Variants in GADD45GIP1 observed in about 807,000 individuals in gnomAD.
The protein encoded by GADD45GIP1 is large ribosomal subunit protein mL64.
In GADD45GIP1, 17 loss-of-function variants were observed where a neutral mutation model predicts 22.1. The ratio of observed to expected loss-of-function variants is 0.77; its 90% CI spans 0.53 to 1.15. The LOEUF (loss-of-function observed/expected upper bound fraction) is 1.15. Ranked by LOEUF, GADD45GIP1 falls within the 50% of genes most tolerant of loss-of-function variation. The pLI is 0.00. For missense variants in GADD45GIP1, 294 were observed against 314.0 expected (o/e 0.94, Z 0.48); for synonymous variants, 135 against 138.4 (o/e 0.98, Z 0.17).
chr19:12,956,783 C>T, intron 1 of GADD45GIP1, 80 bp downstream of exon 1: 1 of 1,332,428 alleles, frequency 7.5e-7, no homozygotes, highest in Non-Finnish European at 1.0e-6. Context: ...GACGTGACCC[C>T]GAAGGGGTAG....
At position 12,953,956 on chromosome 19, in the gene GADD45GIP1, C is replaced by A; in HGVS notation, c.*252G>T. 1 of 494,244 alleles carries A rather than the reference C, an allele frequency of 2.0e-6. No homozygotes were observed. Among genetic ancestry groups the A allele is most frequent in the Non-Finnish European group, 3.6e-6 (1 of 279,562 alleles). 30.6% of individuals were successfully genotyped at this position (494,244 alleles called of 1,614,324 possible). A position where few individuals can be genotyped will look rare whatever the true frequency, so the allele number is the denominator to read the frequency against. ...GAGATGAATGTTGGTAAACAGAAGCCTTCTTCTCTTCTGCCATCTGCTTCT... is the reference window on the plus strand; with the variant it reads ...GAGATGAATGTTGGTAAACAGAAGCATTCTTCTCTTCTGCCATCTGCTTCT... On this transcript the variant is annotated 3_prime_UTR_variant, in exon 2 of 2. Transcript: ENST00000316939.
At chr19:12,956,750 A>C (rs1452488479) in intron 1 of GADD45GIP1, 113 bp downstream of exon 1, 1 of 868,574 alleles carries the variant, frequency 1.2e-6, no homozygotes, top group East Asian at 2.7e-5. Context: ...CGTATACATA[A>C]ATCTACAACA....
rs542386078 is a variant in GADD45GIP1, at chr19:12,956,854, C to T, written c.350+9G>A. On this transcript the variant is annotated intron_variant, in intron 1 of 1. Coordinates refer to ENST00000316939, the MANE Select transcript of GADD45GIP1 (RefSeq NM_052850.4). ...GAGGGCAGCCCCGCGTCTGCCTGCA[C>T]GCACGCACCTCTCCCGACGCTTCTG... The T allele has an allele frequency of 6.3e-6, 10 of 1,594,066 alleles. No homozygotes were observed. The African/African-American group carries it at 1.2e-4, about 19-fold the overall frequency.
intron 1 of GADD45GIP1, among the ~76,000 whole-genome samples, chr19:12,955,964 C>T (rs1240736388): frequency 6.6e-6 from 1 of 152,218 alleles, no homozygotes; most frequent in African/African-American, 2.4e-5. Flanking sequence ...CTGCCCTCAC[C>T]TTTTCCCCAG....
Position 12,956,951 on chromosome 19 carries a change from C to A in GADD45GIP1, c.262G>T (p.Glu88Ter). ...SPEQLRELEA[E>*]EREWYPSLAT... is the part of the protein sequence containing the mutation. Reference sequence around the variant, plus strand: ...AGGCTCGGGTACCATTCGCGTTCTTCGGCCTCCAGCTCCCGCAGCTGCTCC... The same window carrying A: ...AGGCTCGGGTACCATTCGCGTTCTTAGGCCTCCAGCTCCCGCAGCTGCTCC... The change falls in exon 1 of 2, where the codon GAA becomes TAA. Residue 88 changes from glutamate (E) to a stop codon, truncating the protein, a stop_gained. Transcript: ENST00000316939. LOFTEE classifies it high-confidence loss of function. 6.3e-7 allele frequency: 1 copy of A among 1,599,364 alleles called. No homozygotes were observed. The highest frequency in any genetic ancestry group is 8.5e-7 in the Non-Finnish European group (1 of 1,179,738).
In GADD45GIP1 at chr19:12,956,995, C is replaced by T; in HGVS notation, c.218G>A (p.Gly73Asp). 1 of 1,598,984 alleles carries T rather than the reference C, an allele frequency of 6.3e-7. No individual in the cohort carries two copies. Among genetic ancestry groups the T allele is most frequent in the Non-Finnish European group, 8.5e-7 (1 of 1,179,574 alleles). The change falls in exon 1 of 2, where the codon GGT becomes GAT. Residue 73 changes from glycine to aspartate, a missense_variant. Gly to Asp is a moderately conservative substitution (Grantham distance 94, BLOSUM62 -1). Coordinates refer to ENST00000316939, the MANE Select transcript of GADD45GIP1 (RefSeq NM_052850.4). ...CTGCTCCGGCGACGGCCATAACGAA[C>T]CGGGGACCACCCCGGAGGCGGCGCC... ...RYGAASGVVP[G>D]SLWPSPEQLR...
chr19:12,953,578 C>T lies in GADD45GIP1; in HGVS notation c.*630G>A, dbSNP rs1971875565. ...AACATCAGCTCATTGTCAAGGCCAC[C>T]CCCACCCCAGAACAGAACCGTGTCT... On this transcript the variant is annotated 3_prime_UTR_variant, in exon 2 of 2. Transcript: ENST00000316939. 1 of 153,812 alleles carries T rather than the reference C, an allele frequency of 6.5e-6. No homozygotes were observed. Among genetic ancestry groups the T allele is most frequent in the African/African-American group, 2.4e-5 (1 of 41,578 alleles). 9.5% of individuals were successfully genotyped at this position (153,812 alleles called of 1,614,324 possible).
At position 12,954,517 on chromosome 19, in the gene GADD45GIP1, G is replaced by A; in HGVS notation, c.360C>T (p.His120=). The part of the protein sequence containing the change: ...EEQKRREREQ[H]IAECMAKMPQ... ...GCATCTTGGCCATGCACTCTGCGAT[G>A]TGCTGCTCCCTGCAGGGGAGGGAGA... is the stretch of plus-strand genomic sequence containing the variant. The change falls in exon 2 of 2, where the codon CAC becomes CAT. Residue 120 remains histidine (H), a synonymous_variant. Transcript: ENST00000316939. 2 of 1,611,348 alleles carry A rather than the reference G, an allele frequency of 1.2e-6. No individual in the cohort carries two copies. Among genetic ancestry groups the A allele is most frequent in the Admixed American group, 1.7e-5 (1 of 59,872 alleles).
Position 12,955,321 on chromosome 19 carries a change from G to T in GADD45GIP1, c.351-795C>A, listed in dbSNP as rs76939577. On this transcript the variant is annotated intron_variant, in intron 1 of 1. Coordinates refer to ENST00000316939, the MANE Select transcript of GADD45GIP1 (RefSeq NM_052850.4). Reference sequence around the variant, plus strand: ...TCATTTAAGGATTAGAAAAGTAAAAGAATTAAGCCCTATAATGGTCATCTG... The same window carrying T: ...TCATTTAAGGATTAGAAAAGTAAAATAATTAAGCCCTATAATGGTCATCTG... Among the ~76,000 whole-genome samples, 1,381 of 152,246 alleles carry T rather than the reference G, an allele frequency of 9.1e-3. 22 individuals are homozygous for T. Among genetic ancestry groups the T allele is most frequent in the African/African-American group, 0.03 (1,253 of 41,548 alleles).
intron 1 of GADD45GIP1, 102 bp downstream of exon 1, chr19:12,956,761 T>G: frequency 1.0e-6 from 1 of 955,658 alleles, no homozygotes; most frequent in Non-Finnish European, 1.6e-6. Context: ...ATCTACAACA[T>G]GCAGATGCTG....
Position 12,954,524 on chromosome 19 carries a change from T to A in GADD45GIP1, c.353A>T (p.Glu118Val). 1.2e-6 allele frequency: 2 copies of A among 1,609,730 alleles called. No individual in the cohort carries two copies. Among genetic ancestry groups the A allele is most frequent in the African/African-American group, 2.7e-5 (2 of 74,964 alleles). The change falls in exon 2 of 2, where the codon GAG becomes GTG. Residue 118 changes from glutamate to valine, a missense_variant and splice_region_variant. By Grantham distance (121) the Glu-to-Val change is moderately radical. Transcript: ENST00000316939. The stretch of plus-strand genomic sequence containing the variant: ...GGCCATGCACTCTGCGATGTGCTGC[T>A]CCCTGCAGGGGAGGGAGAGTGGGCT... ...LAEEQKRRER[E>V]QHIAECMAKM...
chr19:12,955,924 G>A (rs1335085806), intron 1 of GADD45GIP1, among the ~76,000 whole-genome samples: 1 of 152,088 alleles, frequency 6.6e-6, no homozygotes, highest in Non-Finnish European at 1.5e-5. Flanking sequence ...TCTGACCTCT[G>A]CCCTCTTGGT....
rs1368661462 is a variant in GADD45GIP1 at position 12,954,531 on chromosome 19, A to G, written c.351-5T>C. 1 of 1,602,844 alleles carries G rather than the reference A, an allele frequency of 6.2e-7. No homozygotes were observed. The highest frequency in any genetic ancestry group is 8.5e-7 in the Non-Finnish European group (1 of 1,172,746). ...CACTCTGCGATGTGCTGCTCCCTGCAGGGGAGGGAGAGTGGGCTGTGACAC... is the reference window on the plus strand; with the variant it reads ...CACTCTGCGATGTGCTGCTCCCTGCGGGGGAGGGAGAGTGGGCTGTGACAC... On this transcript the variant is annotated splice_polypyrimidine_tract_variant and splice_region_variant and intron_variant, in intron 1 of 1. Coordinates refer to ENST00000316939, the MANE Select transcript of GADD45GIP1 (RefSeq NM_052850.4).
chr19:12,954,385 C>G lies in GADD45GIP1; in HGVS notation c.492G>C (p.Leu164=). The change falls in exon 2 of 2, where the codon CTG becomes CTC. Residue 164 remains leucine (L), a synonymous_variant. Transcript: ENST00000316939. The part of the protein sequence containing the change: ...ARLQAEAQEL[L]GYQVDPRSAR... ...CACTCCTTGGGTCCACCTGGTAGCCCAGGAGCTCCTGGGCCTCAGCCTGCA... is the reference window on the plus strand; with the variant it reads ...CACTCCTTGGGTCCACCTGGTAGCCGAGGAGCTCCTGGGCCTCAGCCTGCA... 1.2e-6 allele frequency: 2 copies of G among 1,614,208 alleles called. No homozygotes were observed. Among genetic ancestry groups the G allele is most frequent in the South Asian group, 1.1e-5 (1 of 91,086 alleles).
In GADD45GIP1 at chr19:12,953,916, A is replaced by C; in HGVS notation, c.*292T>G. 1 of 340,088 alleles carries C rather than the reference A, an allele frequency of 2.9e-6. No homozygotes were observed. The highest frequency in any genetic ancestry group is 5.5e-5 in the East Asian group (1 of 18,200). The allele number at this position is 340,088 out of a possible 1,614,324, so 21.1% of individuals were successfully genotyped here. On this transcript the variant is annotated 3_prime_UTR_variant, in exon 2 of 2. Coordinates refer to ENST00000316939, the MANE Select transcript of GADD45GIP1 (RefSeq NM_052850.4). ...TACTTCCCCCCCCACCAGCCTTGTA[A>C]TTGGCTAATTACTGGAGATGAATGT...
intron 1 of GADD45GIP1, among the ~76,000 whole-genome samples, chr19:12,955,876 C>A (rs1033241324): frequency 2.0e-5 from 3 of 150,920 alleles, no homozygotes; most frequent in Admixed American, 6.6e-5. Context: ...ACAACAACAA[C>A]AAAAAGATGC....
At chr19:12,956,359 A>G (rs1260124615) in intron 1 of GADD45GIP1, among the ~76,000 whole-genome samples, 2 of 152,144 alleles carry the variant, frequency 1.3e-5, no homozygotes, top group African/African-American at 4.8e-5. Flanking sequence ...CTCAGTAAAG[A>G]CTTGGTGGTG....
At position 12,954,201 on chromosome 19, in the gene GADD45GIP1, C is replaced by T. The variant is rs1322416468; in HGVS notation, c.*7G>A. 2.5e-6 allele frequency: 4 copies of T among 1,610,518 alleles called. No individual in the cohort carries two copies. The highest frequency in any genetic ancestry group is 1.3e-5 in the African/African-American group (1 of 74,648). On this transcript the variant is annotated 3_prime_UTR_variant, in exon 2 of 2. Coordinates refer to ENST00000316939, the MANE Select transcript of GADD45GIP1 (RefSeq NM_052850.4). ...GGTAGCAGGCTTTATTGGGAAGGGA[C>T]AAAGCCTCAGGAGCTGGGTGCCCCA...
intron 1 of GADD45GIP1, 134 bp downstream of exon 1, chr19:12,956,729 G>A (rs1971928415): frequency 1.4e-6 from 1 of 700,466 alleles, no homozygotes. Flanking sequence ...TTTGTTTTGC[G>A]GCCAGGTGAG....
Sources: allele counts gnomAD v4.1 joint callset (sites outside exome capture counted in the v4.1 genomes callset), GRCh38; gene constraint gnomAD v4.1.1; transcripts MANE v1.5; gene names NCBI Gene and HGNC (gene_info 2026-07-23, HGNC 2026-07-21).